Variants in ADGB observed in about 807,000 individuals in gnomAD.
The protein encoded by ADGB is androglobin.
A neutral mutation model predicts 210.5 loss-of-function variants in ADGB; 172 were observed. The observed-to-expected ratio is 0.82, with a 90% CI of 0.72 to 0.93. The LOEUF (loss-of-function observed/expected upper bound fraction) is 0.93, where lower values mean the gene tolerates loss of function less well. Among genes scored for constraint, ADGB ranks in the 40% least tolerant of loss-of-function variants. ADGB has a pLI of 0.00. For synonymous variants in ADGB, 658 were observed against 662.7 expected (o/e 0.99, Z 0.11); for missense variants, 2,025 against 1,964.8 (o/e 1.03, Z -0.58).
intron 1 of ADGB, among the ~76,000 whole-genome samples, chr6:146,611,721 G>T (rs1401946129): frequency 6.6e-6 from 1 of 151,982 alleles, no homozygotes; most frequent in Non-Finnish European, 1.5e-5. Context: ...TAATATGCCT[G>T]TCTTCTTGAT....
intron 29 of ADGB, among the ~76,000 whole-genome samples, chr6:146,775,616 T>C (rs1328623049): frequency 6.6e-6 from 1 of 152,208 alleles, no homozygotes; most frequent in Non-Finnish European, 1.5e-5. Flanking sequence ...AGTTGTAATC[T>C]ATTTGTAAAA....
Position 146,691,031 on chromosome 6 carries a change from T to C in ADGB, c.1312-85T>C, listed in dbSNP as rs1460320315. 2.6e-6 allele frequency: 3 copies of C among 1,146,098 alleles called. No homozygotes were observed. The East Asian group carries it at 8.4e-5, about 32-fold the overall frequency. The allele number at this position is 1,146,098 out of a possible 1,614,324, so 71.0% of individuals were successfully genotyped here. A position where few individuals can be genotyped will look rare whatever the true frequency, so the allele number is the denominator to read the frequency against. On this transcript the variant is annotated intron_variant, in intron 10 of 35. Coordinates refer to ENST00000397944, the MANE Select transcript of ADGB (RefSeq NM_024694.4). ...TTTTTTCTTACTACCACCATATTGCTCTGTTCGTGATAGTATTTTTACATT... is the reference window on the plus strand; with the variant it reads ...TTTTTTCTTACTACCACCATATTGCCCTGTTCGTGATAGTATTTTTACATT...
chr6:146,783,321 T>C (rs1777827917), intron 30 of ADGB, among the ~76,000 whole-genome samples: 1 of 152,058 alleles, frequency 6.6e-6, no homozygotes, highest in Non-Finnish European at 1.5e-5. Flanking sequence ...GATGATGACT[T>C]GTTGTTTCAG....
chr6:146,618,629 A>G (rs1434193041), intron 1 of ADGB, among the ~76,000 whole-genome samples: 1 of 151,420 alleles, frequency 6.6e-6, no homozygotes, highest in African/African-American at 2.4e-5. Flanking sequence ...GATCAGGTGC[A>G]TGTTGTTTAA....
At chr6:146,779,074 A>AC (rs1435981084) in intron 29 of ADGB, among the ~76,000 whole-genome samples, 1 of 152,030 alleles carries the variant, frequency 6.6e-6, no homozygotes, top group Non-Finnish European at 1.5e-5. Flanking sequence ...AAAAAAAAAA[A>AC]AAAACAGCCA....
At chr6:146,777,037 G>A (rs979372190) in intron 29 of ADGB, among the ~76,000 whole-genome samples, 2 of 151,834 alleles carry the variant, frequency 1.3e-5, no homozygotes, top group Admixed American at 6.6e-5. Flanking sequence ...CCTATAGAGC[G>A]CTCACAGTCC....
intron 20 of ADGB, 59 bp from the exon 21 acceptor site, chr6:146,733,061 G>T: frequency 8.0e-7 from 1 of 1,249,556 alleles, no homozygotes; most frequent in South Asian, 2.3e-5. Flanking sequence ...AAATTTTTTA[G>T]AGCTTCTCTG....
intron 33 of ADGB, among the ~76,000 whole-genome samples, chr6:146,797,817 C>A (rs1196393409): frequency 6.6e-6 from 1 of 152,016 alleles, no homozygotes; most frequent in Non-Finnish European, 1.5e-5. Flanking sequence ...ACAATGTACA[C>A]AGCTGAAGTA....
At chr6:146,799,058 C>CAAAAAAAAAA (rs71552962) in intron 33 of ADGB, among the ~76,000 whole-genome samples, 207 of 62,748 alleles carry the variant, frequency 3.3e-3, no homozygotes, top group African/African-American at 4.0e-3. Flanking sequence ...TATGGAAATG[C>CAAAAAAAAAA]AAAAAAAAAA....
At chr6:146,730,700 G>T (rs1583610964) in intron 20 of ADGB, among the ~76,000 whole-genome samples, 1 of 152,122 alleles carries the variant, frequency 6.6e-6, no homozygotes, top group East Asian at 1.9e-4. Context: ...ACATTCCTGG[G>T]CTATTAAATG....
intron 10 of ADGB, among the ~76,000 whole-genome samples, chr6:146,689,995 A>C (rs752397256): frequency 2.6e-5 from 4 of 152,202 alleles, no homozygotes; most frequent in Non-Finnish European, 5.9e-5. Context: ...TCGGTGACTT[A>C]ACAACTATTG....
intron 1 of ADGB, among the ~76,000 whole-genome samples, chr6:146,623,733 G>A (rs79289098): frequency 0.012 from 1,852 of 152,010 alleles, 20 homozygotes; most frequent in Middle Eastern, 0.02. Context: ...TTCTGTAGAT[G>A]TCATTTATCA....
chr6:146,741,063 C>T, intron 24 of ADGB, 55 bp from the exon 25 acceptor site: 7 of 1,364,514 alleles, frequency 5.1e-6, no homozygotes, highest in Non-Finnish European at 6.7e-6. Flanking sequence ...ATGCAAATTT[C>T]AAACTTCCTT....
rs372177375 is a variant in ADGB, at chr6:146,764,063, C to T, written c.3713C>T (p.Thr1238Ile). The T allele has an allele frequency of 2.1e-4, 326 of 1,551,064 alleles. No individual in the cohort carries two copies. The highest frequency in any genetic ancestry group is 2.8e-4 in the Non-Finnish European group (316 of 1,146,722). ...LPLVEEETTS[T>I]PTREDSSSTP... Reference sequence around the variant, plus strand: ...CTTGTGGAGGAGGAAACTACCAGTACACCCACTAGAGAAGACAGTTCCAGC... The same window carrying T: ...CTTGTGGAGGAGGAAACTACCAGTATACCCACTAGAGAAGACAGTTCCAGC... The change falls in exon 28 of 36, where the codon ACA becomes ATA. Residue 1238 changes from threonine (T) to isoleucine (I), a missense_variant. Physicochemically the swap from Thr to Ile is moderately conservative, Grantham distance 89 (BLOSUM62 -1). Coordinates refer to ENST00000397944, the MANE Select transcript of ADGB (RefSeq NM_024694.4).
intron 9 of ADGB, among the ~76,000 whole-genome samples, chr6:146,680,037 T>C (rs902516420): frequency 3.9e-5 from 6 of 152,132 alleles, no homozygotes; most frequent in African/African-American, 1.4e-4. Context: ...TATGACTCAG[T>C]GGAATAGTAA....
intron 1 of ADGB, among the ~76,000 whole-genome samples, chr6:146,626,576 T>G (rs1307321449): frequency 6.6e-6 from 1 of 152,116 alleles, no homozygotes; most frequent in East Asian, 1.9e-4. Context: ...TTTCTTTCAG[T>G]TCTTTAAAGA....
At chr6:146,728,496 T>C in intron 19 of ADGB, 78 bp from the exon 20 acceptor site, 1 of 1,336,726 alleles carries the variant, frequency 7.5e-7, no homozygotes, top group Non-Finnish European at 1.0e-6. Context: ...GATTTCATAT[T>C]TTAACAGATA....
rs959988408 is a variant in ADGB at position 146,773,685 on chromosome 6, G to A, written c.3862+4554G>A. On this transcript the variant is annotated intron_variant, in intron 29 of 35. Transcript: ENST00000397944. ...CCTAAGTTTGCATAGGTTCGAAGGA[G>A]CAGAGTGAAGGTTCTAACATAAGTC... Among the ~76,000 whole-genome samples the A allele has an allele frequency of 4.0e-4, 61 of 152,200 alleles. 1 individual carries two copies. The highest frequency in any genetic ancestry group is 1.8e-4 in the Non-Finnish European group (12 of 68,036).
chr6:146,672,159 C>T lies in ADGB; in HGVS notation c.840-61C>T, dbSNP rs113413507. 3.5e-5 allele frequency: 50 copies of T among 1,436,172 alleles called. No individual in the cohort carries two copies. In the African/African-American group the frequency reaches 4.1e-4, roughly 12 times the overall value. The allele number at this position is 1,436,172 out of a possible 1,614,324, so 89.0% of individuals were successfully genotyped here. A position where few individuals can be genotyped will look rare whatever the true frequency, so the allele number is the denominator to read the frequency against. ...TGATTTTTCTGTCAGTAATTTCTTG[C>T]GAAGTTCAAGGAAAAAAAAAAACAT... On this transcript the variant is annotated intron_variant, in intron 7 of 35. Transcript: ENST00000397944.
Sources: gnomAD v4.1 joint callset for allele counts (sites outside exome capture counted in the v4.1 genomes callset) on GRCh38, gnomAD v4.1.1 for gene constraint, MANE v1.5 for transcripts, NCBI Gene and HGNC (gene_info 2026-07-23, HGNC 2026-07-21) for gene names.